The following KSR2 variants were observed in gnomAD, a reference collection of about 807,000 sequenced individuals.
KSR2 encodes kinase suppressor of ras 2.
A neutral mutation model predicts 107.8 loss-of-function variants in KSR2; 25 were observed. The observed-to-expected ratio is 0.23, with a 90% confidence interval of 0.17 to 0.32. The LOEUF (loss-of-function observed/expected upper bound fraction) is 0.32, where lower values mean the gene tolerates loss of function less well. KSR2 is among the 10% of genes least tolerant of loss of function. The probability of loss-of-function intolerance (pLI) is 1.00; values close to 1 mark genes in which losing one functional copy is unlikely to be tolerated. For synonymous variants in KSR2, 480 were observed against 507.0 expected, an observed-to-expected ratio of 0.95 and a Z score of 0.71; for missense variants, 887 against 1,268.9, an observed-to-expected ratio of 0.70 and a Z score of 4.57.
At chr12:117,643,340 G>A (rs1432055411) in intron 5 of KSR2, among the ~76,000 whole-genome samples, 3 of 152,180 alleles carry the variant, frequency 2.0e-5, no homozygotes, top group South Asian at 4.2e-4. Flanking sequence ...CTAGCTACTC[G>A]GGAGGGTGAG....
chr12:117,747,311 T>G (rs537081093), intron 4 of KSR2, among the ~76,000 whole-genome samples: 1 of 152,164 alleles, frequency 6.6e-6, no homozygotes, highest in East Asian at 1.9e-4. Context: ...AAGCCATCAT[T>G]CTCAGCAAAC....
At chr12:117,481,732 C>T (rs1872188033) in intron 16 of KSR2, among the ~76,000 whole-genome samples, 1 of 152,226 alleles carries the variant, frequency 6.6e-6, no homozygotes, top group Non-Finnish European at 1.5e-5. Context: ...GAGATACTGG[C>T]CCTGCTTCCT....
chr12:117,751,588 C>T (rs1000562522), intron 4 of KSR2, among the ~76,000 whole-genome samples: 1 of 152,110 alleles, frequency 6.6e-6, no homozygotes, highest in Admixed American at 6.5e-5. Flanking sequence ...CTTTGGGAGT[C>T]CTTAAGTAGC....
intron 1 of KSR2, among the ~76,000 whole-genome samples, chr12:117,860,845 A>G (rs1221782396): frequency 6.6e-6 from 1 of 152,040 alleles, no homozygotes; most frequent in Non-Finnish European, 1.5e-5. Context: ...CAGCCTCCCA[A>G]GTATCTGGGA....
At chr12:117,806,127 C>A (rs529021221) in intron 3 of KSR2, among the ~76,000 whole-genome samples, 31 of 152,140 alleles carry the variant, frequency 2.0e-4, no homozygotes, top group Non-Finnish European at 3.4e-4. Context: ...AAACAACGTC[C>A]GGCATTTCCT....
intron 5 of KSR2, among the ~76,000 whole-genome samples, chr12:117,644,090 C>T (rs911317097): frequency 3.3e-5 from 5 of 152,206 alleles, no homozygotes; most frequent in African/African-American, 9.7e-5. Context: ...CCTGGCCACT[C>T]ACTGTCTCCA....
chr12:117,609,616 C>T (rs1400631921), intron 5 of KSR2, among the ~76,000 whole-genome samples: 2 of 152,224 alleles, frequency 1.3e-5, no homozygotes, highest in African/African-American at 4.8e-5. Flanking sequence ...GTTGCACCTG[C>T]TCACTTTTGT....
At chr12:117,476,932 T>A (rs976298744) in intron 16 of KSR2, among the ~76,000 whole-genome samples, 5 of 152,174 alleles carry the variant, frequency 3.3e-5, no homozygotes, top group African/African-American at 1.2e-4. Flanking sequence ...GAATACTGAA[T>A]CATTGCTCCT....
chr12:117,817,489 C>A (rs1303473660), intron 3 of KSR2, among the ~76,000 whole-genome samples: 2 of 152,158 alleles, frequency 1.3e-5, no homozygotes, highest in African/African-American at 4.8e-5. Flanking sequence ...ACACTTACTC[C>A]AGATCACACA....
intron 5 of KSR2, among the ~76,000 whole-genome samples, chr12:117,618,532 C>T (rs569548473): frequency 6.0e-4 from 91 of 152,142 alleles, no homozygotes; most frequent in African/African-American, 1.9e-3. Context: ...TGTGCCCCAC[C>T]CCCCAAATCT....
At chr12:117,894,499 TA>T (rs989517130) in intron 1 of KSR2, among the ~76,000 whole-genome samples, 2 of 151,232 alleles carry the variant, frequency 1.3e-5, no homozygotes, top group African/African-American at 2.4e-5. Context: ...ATCTCATCCC[TA>T]AAAAAAAATT....
At chr12:117,768,679 T>C (rs1889330997) in intron 3 of KSR2, among the ~76,000 whole-genome samples, 2 of 152,136 alleles carry the variant, frequency 1.3e-5, no homozygotes, top group African/African-American at 2.4e-5. Flanking sequence ...GGGATAGTTA[T>C]GGCAGTGGAG....
chr12:117,662,009 G>A (rs1884453205), intron 5 of KSR2, among the ~76,000 whole-genome samples: 3 of 152,150 alleles, frequency 2.0e-5, no homozygotes, highest in Admixed American at 2.0e-4. Flanking sequence ...CAGGTGGTCA[G>A]TACCCATTAA....
chr12:117,668,536 G>A (rs904084439), intron 4 of KSR2, among the ~76,000 whole-genome samples: 1 of 152,172 alleles, frequency 6.6e-6, no homozygotes, highest in African/African-American at 2.4e-5. Flanking sequence ...CTGGAGAAGA[G>A]CAGGTGCAGC....
At chr12:117,476,016 CAACCTCATAA>C (rs1871753634) in intron 17 of KSR2, among the ~76,000 whole-genome samples, 2 of 152,200 alleles carry the variant, frequency 1.3e-5, no homozygotes, top group Admixed American at 1.3e-4. Context: ...ATCTTGACTG[CAACCTCATAA>C]AAGCCCACTC....
intron 4 of KSR2, among the ~76,000 whole-genome samples, chr12:117,691,519 C>T (rs966158192): frequency 6.6e-6 from 1 of 152,216 alleles, no homozygotes; most frequent in Admixed American, 6.5e-5. Context: ...AATTATGCAT[C>T]AGTGAGGTTT....
At chr12:117,889,807 G>T (rs528650607) in intron 1 of KSR2, 3 of 152,218 alleles carry the variant, frequency 2.0e-5, no homozygotes, top group Non-Finnish European at 4.4e-5. Flanking sequence ...CAACTTGGAA[G>T]ATGGGGAGCT....
chr12:117,700,127 T>A (rs1886244899), intron 4 of KSR2, among the ~76,000 whole-genome samples: 1 of 152,022 alleles, frequency 6.6e-6, no homozygotes, highest in South Asian at 2.1e-4. Context: ...GTGATCTGCC[T>A]GCCTCAGCCT....
chr12:117,951,382 A>G (rs1566096821), intron 1 of KSR2, among the ~76,000 whole-genome samples: 1 of 152,196 alleles, frequency 6.6e-6, no homozygotes, highest in Non-Finnish European at 1.5e-5. Flanking sequence ...GCCTCCTGAT[A>G]AAAACAACGT....
Sources: gnomAD v4.1 joint callset for allele counts (sites outside exome capture counted in the v4.1 genomes callset) on GRCh38, gnomAD v4.1.1 for gene constraint, MANE v1.5 for transcripts, NCBI Gene and HGNC (gene_info 2026-07-23, HGNC 2026-07-21) for gene names.